Variants in NLRP13 observed in about 807,000 individuals in gnomAD.
NLRP13 encodes the protein NACHT, LRR and PYD domains-containing protein 13.
A neutral mutation model predicts 94.4 loss-of-function variants in NLRP13; 82 were observed. The ratio of observed to expected loss-of-function variants is 0.87; its 90% CI spans 0.73 to 1.04. The LOEUF (loss-of-function observed/expected upper bound fraction) is 1.04, where lower values mean the gene tolerates loss of function less well. Ranked by LOEUF, NLRP13 falls within the 50% of genes least tolerant of loss-of-function variation. The pLI is 0.00. For synonymous variants in NLRP13, 553 were observed against 464.7 expected, an observed-to-expected ratio of 1.19 and a Z score of -2.45; for missense variants, 1,426 against 1,230.8, an observed-to-expected ratio of 1.16 and a Z score of -2.37.
chr19:55,925,195 G>A (rs1986938598), intron 1 of NLRP13, among the ~76,000 whole-genome samples, 160 bp from the exon 2 acceptor site: 1 of 152,206 alleles, frequency 6.6e-6, no homozygotes, highest in African/African-American at 2.4e-5. Flanking sequence ...AACTGAAGAT[G>A]CAGTGTGCAC....
intron 8 of NLRP13, among the ~76,000 whole-genome samples, chr19:55,903,122 G>A (rs1986236142): frequency 1.3e-5 from 2 of 151,782 alleles, no homozygotes; most frequent in Non-Finnish European, 2.9e-5. Flanking sequence ...TAATATATTA[G>A]GGTTGTAATA....
downstream of NLRP13, among the ~76,000 whole-genome samples, chr19:55,892,485 G>A (rs936530549): frequency 3.3e-5 from 5 of 152,088 alleles, no homozygotes; most frequent in Admixed American, 2.6e-4. Flanking sequence ...GCAGTGGCGT[G>A]ATCTCGGCTC....
chr19:55,926,806 C>T (rs1304880328), intron 1 of NLRP13, among the ~76,000 whole-genome samples: 1 of 152,112 alleles, frequency 6.6e-6, no homozygotes, highest in Non-Finnish European at 1.5e-5. Context: ...AAATGCAATG[C>T]ATGAAGAATA....
intron 7 of NLRP13, 50 bp from the exon 8 acceptor site, chr19:55,905,162 C>G: frequency 6.3e-7 from 1 of 1,599,186 alleles, no homozygotes; most frequent in South Asian, 1.1e-5. Context: ...TGCCCAGGTT[C>G]CTCTACCTTT....
At position 55,901,788 on chromosome 19, in the gene NLRP13, G is replaced by C. The variant is rs75286689; in HGVS notation, c.2789+247C>G. Among the ~76,000 whole-genome samples, 127 of 152,126 alleles carry C rather than the reference G, an allele frequency of 8.3e-4. 1 individual carries two copies. In the East Asian group the frequency reaches 0.021, roughly 26 times the overall value. Reference sequence around the variant, plus strand: ...GAAGTGTAGCATGAATACGACTATGGGCTGGATCCCGAGTCCTCCCAGTGA... The same window carrying C: ...GAAGTGTAGCATGAATACGACTATGCGCTGGATCCCGAGTCCTCCCAGTGA... On this transcript the variant is annotated intron_variant, in intron 9 of 10. Transcript: ENST00000342929.
chr19:55,898,438 G>C (rs988901015), intron 10 of NLRP13, among the ~76,000 whole-genome samples: 4 of 152,086 alleles, frequency 2.6e-5, no homozygotes, highest in African/African-American at 9.7e-5. Flanking sequence ...TTGAGCTCCT[G>C]ACCTCAGGTG....
intron 9 of NLRP13, 86 bp from the exon 10 acceptor site, chr19:55,899,023 G>A (rs1760810422): frequency 1.4e-6 from 2 of 1,408,752 alleles, no homozygotes; most frequent in East Asian, 2.4e-5. Context: ...TCACGTCCAA[G>A]GAAAGGAGAC....
Position 55,911,672 on chromosome 19 carries a change from G to A in NLRP13, c.2111+34C>T, listed in dbSNP as rs551284572. On this transcript the variant is annotated intron_variant, in intron 5 of 10. Transcript: ENST00000342929. ...TTGCACAGAGCCTGAGAAAACAGGA[G>A]AAAGCTGAGAAAGAAATGGTTTGTA... 2.6e-6 allele frequency: 4 copies of A among 1,533,930 alleles called. No individual in the cohort carries two copies. In the African/African-American group the frequency reaches 4.2e-5, roughly 16 times the overall value.
At chr19:55,920,092 T>C (rs868136155) in intron 4 of NLRP13, among the ~76,000 whole-genome samples, 2 of 152,142 alleles carry the variant, frequency 1.3e-5, no homozygotes, top group African/African-American at 4.8e-5. Flanking sequence ...GGGCACTCTA[T>C]TCAATAAACG....
chr19:55,906,205 G>T (rs772708669), intron 7 of NLRP13, among the ~76,000 whole-genome samples: 2 of 151,858 alleles, frequency 1.3e-5, no homozygotes, highest in Non-Finnish European at 2.9e-5. Context: ...AGGGATGGTG[G>T]TGTGTGACTG....
intron 10 of NLRP13, among the ~76,000 whole-genome samples, chr19:55,897,955 C>A (rs931036883): frequency 6.6e-5 from 10 of 152,122 alleles, no homozygotes; most frequent in African/African-American, 2.4e-4. Context: ...AGCAAAAAAT[C>A]CTACGGTTCA....
chr19:55,905,223 T>C (rs1268196749), intron 7 of NLRP13, 111 bp from the exon 8 acceptor site: 2 of 1,163,754 alleles, frequency 1.7e-6, no homozygotes, highest in East Asian at 2.5e-5. Context: ...GAAGATTAAA[T>C]TGGAGAAAGA....
rs74179648 is a variant in NLRP13 at position 55,902,885 on chromosome 19, AAT to A, written c.2619-682_2619-681del. On this transcript the variant is annotated intron_variant, in intron 8 of 10. Coordinates refer to ENST00000342929, the MANE Select transcript of NLRP13 (RefSeq NM_176810.2). ...ATATCATAATGTAAATATATAATGA[AAT>A]ATATGTTACAATTATACATGTATAT... Among the ~76,000 whole-genome samples, 225 of 149,660 alleles carry A rather than the reference AAT, an allele frequency of 1.5e-3. 2 individuals carry two copies. Among genetic ancestry groups the A allele is most frequent in the African/African-American group, 4.8e-3 (196 of 40,950 alleles).
At chr19:55,894,302 A>G (rs1335889598), downstream of NLRP13, among the ~76,000 whole-genome samples, 1 of 151,990 alleles carries the variant, frequency 6.6e-6, no homozygotes, top group Non-Finnish European at 1.5e-5. Context: ...TTGGCCTCTC[A>G]AAGTGCTGGA....
At chr19:55,904,575 T>G (rs1280595050) in intron 8 of NLRP13, among the ~76,000 whole-genome samples, 1 of 152,222 alleles carries the variant, frequency 6.6e-6, no homozygotes, top group African/African-American at 2.4e-5. Context: ...TCTATTGTTT[T>G]GTTTTTATAT....
At chr19:55,909,230 C>A (rs1986437709) in intron 6 of NLRP13, among the ~76,000 whole-genome samples, 1 of 152,158 alleles carries the variant, frequency 6.6e-6, no homozygotes, top group Admixed American at 6.5e-5. Context: ...CCTCCATTTG[C>A]TAATTCCTTC....
Position 55,932,020 on chromosome 19 carries a change from A to G in NLRP13, c.292T>C (p.Cys98Arg), listed in dbSNP as rs767711597. Residue 98 changes from cysteine (C) to arginine (R), a missense_variant, in exon 1 of 11, where the codon TGT (cysteine) becomes CGT (arginine). Coordinates refer to ENST00000342929, the MANE Select transcript of NLRP13 (RefSeq NM_176810.2). ...IFQTMNLTSL[C>R]EKVRAEMKEN... ...TTCATCTCGGCTCTAACTTTCTCAC[A>G]CAGTGAGGTCAGATTCATTGTCTGG... The G allele has an allele frequency of 1.2e-6, 2 of 1,613,790 alleles. No individual in the cohort carries two copies. Among genetic ancestry groups the G allele is most frequent in the Non-Finnish European group, 8.5e-7 (1 of 1,179,988 alleles).
chr19:55,902,165 A>T lies in NLRP13; in HGVS notation c.2659T>A (p.Leu887Met). The T allele has an allele frequency of 6.2e-7, 1 of 1,613,984 alleles. No individual in the cohort carries two copies. Among genetic ancestry groups the T allele is most frequent in the Non-Finnish European group, 8.5e-7 (1 of 1,179,938 alleles). Reference sequence around the variant, plus strand: ...CTGTTCTGCAGGAGAGCATCTGACAAGTGCTTGCAAGCGGGTGCTGCCAGC... The same window carrying T: ...CTGTTCTGCAGGAGAGCATCTGACATGTGCTTGCAAGCGGGTGCTGCCAGC... ...CQLAAPACKH[L>M]SDALLQNRSL... Residue 887 changes from leucine to methionine, a missense_variant, in exon 9 of 11, where the codon TTG (leucine) becomes ATG (methionine). By Grantham distance (15) the Leu-to-Met change is conservative. Coordinates refer to ENST00000342929, the MANE Select transcript of NLRP13 (RefSeq NM_176810.2).
Position 55,913,308 on chromosome 19 carries a change from G to T in NLRP13, c.524-15C>A. ...TCTTCTGTGGTCTAGAGAGGGCGGA[G>T]TGGGGAGAAGAATGGTAAGAATAAA... On this transcript the variant is annotated splice_polypyrimidine_tract_variant and intron_variant, in intron 4 of 10. Transcript: ENST00000342929. 1 of 1,603,792 alleles carries T rather than the reference G, an allele frequency of 6.2e-7. No homozygotes were observed.
Sources: gnomAD v4.1 joint callset for allele counts (sites outside exome capture counted in the v4.1 genomes callset) on GRCh38, gnomAD v4.1.1 for gene constraint, MANE v1.5 for transcripts, NCBI Gene and HGNC (gene_info 2026-07-23, HGNC 2026-07-21) for gene names.